The following CAPN14 variants were observed in gnomAD, a reference collection of about 807,000 sequenced individuals.
The protein encoded by CAPN14 is calpain-14.
CAPN14 carries 94 observed loss-of-function variants against 101.3 expected under a neutral mutation model. The observed-to-expected ratio is 0.93, with a 90% CI of 0.79 to 1.10. The LOEUF (loss-of-function observed/expected upper bound fraction) is 1.10. CAPN14 is among the 50% of genes least tolerant of loss of function. The pLI, the probability that CAPN14 is intolerant of heterozygous loss-of-function variation, is 0.00. For missense variants in CAPN14, 837 were observed against 828.4 expected, an observed-to-expected ratio of 1.01 and a Z score of -0.13; for synonymous variants, 338 against 317.9, an observed-to-expected ratio of 1.06 and a Z score of -0.67.
intron 1 of CAPN14, among the ~76,000 whole-genome samples, chr2:31,233,092 A>T (rs567221060): frequency 1.3e-5 from 2 of 152,350 alleles, no homozygotes; most frequent in Admixed American, 1.3e-4. Flanking sequence ...TGCTGGAGAT[A>T]ATATGATCTG....
intron 13 of CAPN14, among the ~76,000 whole-genome samples, chr2:31,188,667 A>T (rs1681030422): frequency 6.6e-6 from 1 of 152,222 alleles, no homozygotes; most frequent in South Asian, 2.1e-4. Flanking sequence ...GACATAAAAA[A>T]CAAACAAACA....
intron 1 of CAPN14, among the ~76,000 whole-genome samples, chr2:31,212,312 C>CAAAAAAAA (rs72155600): frequency 5.4e-5 from 6 of 110,430 alleles, no homozygotes; most frequent in African/African-American, 1.2e-4. Context: ...CGTCTCAAAA[C>CAAAAAAAA]AAAAAAAAAA....
intron 1 of CAPN14, among the ~76,000 whole-genome samples, chr2:31,227,260 A>C (rs1164563779): frequency 6.6e-6 from 1 of 152,204 alleles, no homozygotes; most frequent in Non-Finnish European, 1.5e-5. Context: ...TGCTGCACCC[A>C]GGGATGAAAC....
chr2:31,189,141 G>A (rs1014004362), intron 13 of CAPN14, 132 bp downstream of exon 13: 1 of 763,178 alleles, frequency 1.3e-6, no homozygotes, highest in Admixed American at 2.2e-5. Context: ...AAGTCACCTG[G>A]TCTCCTGCTC....
chr2:31,221,353 AG>A (rs1009901075), upstream of CAPN14, among the ~76,000 whole-genome samples: 1 of 152,196 alleles, frequency 6.6e-6, no homozygotes, highest in African/African-American at 2.4e-5. Flanking sequence ...GAGGCAAGGC[AG>A]GTACAGTGCA....
intron 2 of CAPN14, among the ~76,000 whole-genome samples, chr2:31,224,523 C>T (rs1682963915): frequency 6.6e-6 from 1 of 152,048 alleles, no homozygotes; most frequent in Non-Finnish European, 1.5e-5. Flanking sequence ...AACAAGAATG[C>T]TCACATCTTT....
At chr2:31,215,426 G>T (rs1180566106) in intron 1 of CAPN14, among the ~76,000 whole-genome samples, 1 of 152,036 alleles carries the variant, frequency 6.6e-6, no homozygotes, top group Non-Finnish European at 1.5e-5. Context: ...ACAGCTCATG[G>T]CCTCAAGTCC....
At chr2:31,177,661 G>A in intron 19 of CAPN14, 85 bp downstream of exon 19, 1 of 970,336 alleles carries the variant, frequency 1.0e-6, no homozygotes, top group Non-Finnish European at 1.6e-6. Flanking sequence ...AGTTACTTCA[G>A]CATGCCACAC....
chr2:31,217,938 GA>G (rs1401155064), upstream of CAPN14, among the ~76,000 whole-genome samples: 2 of 152,198 alleles, frequency 1.3e-5, no homozygotes, highest in Admixed American at 6.5e-5. Flanking sequence ...GTATTTTCAA[GA>G]GGTGGCTGTG....
chr2:31,211,922 G>C (rs946126573), intron 1 of CAPN14, among the ~76,000 whole-genome samples: 2 of 152,144 alleles, frequency 1.3e-5, no homozygotes, highest in African/African-American at 4.8e-5. Context: ...GCTCAGGAAG[G>C]AGTGCAAAAT....
chr2:31,182,766 C>T (rs1396605595), intron 16 of CAPN14, among the ~76,000 whole-genome samples: 2 of 151,348 alleles, frequency 1.3e-5, no homozygotes, highest in African/African-American at 2.4e-5. Flanking sequence ...CTGCCTAAGG[C>T]AATTTATAGA....
rs752121613 is a variant in CAPN14 at position 31,192,051 on chromosome 2, C to G, written c.1162G>C (p.Glu388Gln). 3.2e-6 allele frequency: 5 copies of G among 1,551,270 alleles called. No homozygotes were observed. The highest frequency in any genetic ancestry group is 1.4e-5 in the African/African-American group (1 of 73,034). Residue 388 changes from glutamate (E) to glutamine (Q), a missense_variant, in exon 11 of 22, where the codon GAG becomes CAG. Glu to Gln is a conservative substitution (Grantham distance 29). Transcript: ENST00000403897. ...PQFLLSVWRP[E>Q]EGRRSLRPCS... ...GGCCTCAGGGATCTCCTGCCCTCCT[C>G]GGGCCTCCAGACAGACAGCAGGAAC...
chr2:31,180,902 C>G (rs770421855), intron 17 of CAPN14, 34 bp downstream of exon 17: 1 of 1,533,852 alleles, frequency 6.5e-7, no homozygotes, highest in Non-Finnish European at 8.8e-7. Context: ...TCTCAACCAA[C>G]AGCAAGCATC....
intron 7 of CAPN14, among the ~76,000 whole-genome samples, chr2:31,197,779 C>G (rs990914338): frequency 2.0e-5 from 3 of 152,054 alleles, no homozygotes; most frequent in Non-Finnish European, 4.4e-5. Flanking sequence ...GAGAAGGCCA[C>G]GTGAAGATGG....
intron 1 of CAPN14, among the ~76,000 whole-genome samples, chr2:31,233,625 G>C (rs924745554): frequency 2.0e-5 from 3 of 152,074 alleles, no homozygotes; most frequent in Non-Finnish European, 4.4e-5. Context: ...TTCTTGGCTT[G>C]TTTTGTTTTG....
intron 15 of CAPN14, 88 bp downstream of exon 15, chr2:31,187,670 A>G: frequency 8.7e-7 from 1 of 1,154,354 alleles, no homozygotes; most frequent in Non-Finnish European, 1.2e-6. Flanking sequence ...AGCAGCCTCA[A>G]GCAGGTGCAA....
chr2:31,205,499 C>A lies in CAPN14; in HGVS notation c.-52G>T. 7.1e-7 allele frequency: 1 copy of A among 1,416,164 alleles called. No individual in the cohort carries two copies. The highest frequency in any genetic ancestry group is 1.2e-5 in the South Asian group (1 of 81,160). The allele number at this position is 1,416,164 out of a possible 1,614,324, so 87.7% of individuals were successfully genotyped here. A position where few individuals can be genotyped will look rare whatever the true frequency, so the allele number is the denominator to read the frequency against. The stretch of plus-strand genomic sequence containing the variant: ...GTCTTCCTGAGGAGTCTCTGCTGCT[C>A]CTGAAATGGAGAGAGGACGGTCAGT... On this transcript the variant is annotated splice_region_variant and 5_prime_UTR_variant, in exon 2 of 22. Transcript: ENST00000403897.
chr2:31,233,685 C>A (rs747311857), intron 1 of CAPN14: 1 of 152,050 alleles, frequency 6.6e-6, no homozygotes. Context: ...TCACCCTAAG[C>A]CTAGCTAAAA....
chr2:31,174,304 C>A lies in CAPN14; in HGVS notation c.*377G>T. 1 of 334,930 alleles carries A rather than the reference C, an allele frequency of 3.0e-6. No homozygotes were observed. Among genetic ancestry groups the A allele is most frequent in the Non-Finnish European group, 5.5e-6 (1 of 181,480 alleles). 20.7% of individuals were successfully genotyped at this position (334,930 alleles called of 1,614,324 possible). The stretch of plus-strand genomic sequence containing the variant: ...AGATGATTACCCCACCATGTGAGAA[C>A]ATGTGGCATGTCTAAAGTCACTTGA... On this transcript the variant is annotated 3_prime_UTR_variant, in exon 22 of 22. Transcript: ENST00000403897.
Sources: gnomAD v4.1 joint callset for allele counts (sites outside exome capture counted in the v4.1 genomes callset) on GRCh38, gnomAD v4.1.1 for gene constraint, MANE v1.5 for transcripts, NCBI Gene and HGNC (gene_info 2026-07-23, HGNC 2026-07-21) for gene names.